TRAF3IP2: variants seen among roughly 807,000 people sequenced by gnomAD.
TRAF3IP2 encodes the protein TRAF3 interacting protein 2.
In TRAF3IP2, 35 loss-of-function variants were observed where a neutral mutation model predicts 57.9. The ratio of observed to expected loss-of-function variants is 0.60; its 90% CI spans 0.46 to 0.80. The LOEUF is 0.80. Among genes scored for constraint, TRAF3IP2 ranks in the 30% least tolerant of loss-of-function variants. The pLI is 0.00. For missense variants in TRAF3IP2, 556 were observed against 706.4 expected, an observed-to-expected ratio of 0.79 and a Z score of 2.41; for synonymous variants, 251 against 268.9, an observed-to-expected ratio of 0.93 and a Z score of 0.65.
chr6:111,566,488 C>G lies in TRAF3IP2; in HGVS notation c.1432G>C (p.Asp478His). 1 of 1,614,184 alleles carries G rather than the reference C, an allele frequency of 6.2e-7. No individual in the cohort carries two copies. The highest frequency in any genetic ancestry group is 8.5e-7 in the Non-Finnish European group (1 of 1,180,020). The change falls in exon 7 of 9, where the codon GAC becomes CAC. Residue 478 changes from aspartate to histidine, a missense_variant. This residue lies in a region of TRAF3IP2 where 128 missense variants were observed against 207.7 expected (regional missense o/e 0.62). Coordinates refer to ENST00000368761, the MANE Select transcript of TRAF3IP2 (RefSeq NM_147686.4). The part of the protein sequence containing the change: ...QDVEGAESQL[D>H]EDEHGLHTKY... ...GTATGTAAGCCATGCTCATCCTCGT[C>G]CAGCTGCGACTCAGCGCCTTCCACG...
intron 1 of TRAF3IP2, chr6:111,600,156 A>G (rs1796820843): frequency 6.6e-6 from 1 of 152,228 alleles, no homozygotes; most frequent in Non-Finnish European, 1.5e-5. Context: ...GCTCTTAAAA[A>G]GCAATGGCCA....
At chr6:111,575,933 C>G in intron 3 of TRAF3IP2, 112 bp from the exon 4 acceptor site, 1 of 988,708 alleles carries the variant, frequency 1.0e-6, no homozygotes, top group Non-Finnish European at 1.5e-6. Context: ...CTCTCCTCTG[C>G]CTCTATTTCT....
At chr6:111,575,968 A>C (rs930503059) in intron 3 of TRAF3IP2, 147 bp from the exon 4 acceptor site, 3 of 772,926 alleles carry the variant, frequency 3.9e-6, no homozygotes, top group African/African-American at 3.6e-5. Flanking sequence ...GGAAGAGGGG[A>C]GCTCCATGGA....
chr6:111,595,708 A>G (rs1294420733), intron 1 of TRAF3IP2, among the ~76,000 whole-genome samples: 3 of 151,938 alleles, frequency 2.0e-5, no homozygotes, highest in African/African-American at 4.8e-5. Flanking sequence ...GGCACCTGTA[A>G]TCCCAGCTAC....
At chr6:111,594,053 C>T (rs1035032896) in intron 1 of TRAF3IP2, among the ~76,000 whole-genome samples, 1 of 147,478 alleles carries the variant, frequency 6.8e-6, no homozygotes, top group African/African-American at 2.5e-5. Context: ...ATCGCTTGAA[C>T]CTGGGAGGTG....
In TRAF3IP2 at chr6:111,575,699, G is replaced by A. The variant is rs149449506; in HGVS notation, c.1145C>T (p.Pro382Leu). ...PPSPAAVPRP[P>L]SNPPARGTLK... Reference sequence around the variant, plus strand: ...AGTTCCTCTGGCTGGAGGGTTGCTAGGGGGTCTAGGCACAGCAGCTGGGGA... The same window carrying A: ...AGTTCCTCTGGCTGGAGGGTTGCTAAGGGGTCTAGGCACAGCAGCTGGGGA... The change falls in exon 4 of 9, where the codon CCT (proline) becomes CTT (leucine). Residue 382 changes from proline to leucine, a missense_variant. Physicochemically the swap from Pro to Leu is moderately conservative, Grantham distance 98. Around this residue, in one of 2 missense-constraint regions of TRAF3IP2, gnomAD observed 428 missense variants for 498.7 expected, o/e 0.86. Transcript: ENST00000368761. The A allele has an allele frequency of 1.2e-5, 19 of 1,613,514 alleles. No homozygotes were observed. The highest frequency in any genetic ancestry group is 1.5e-5 in the Non-Finnish European group (18 of 1,179,834).
Position 111,575,668 on chromosome 6 carries a change from TTTTA to T in TRAF3IP2, c.1172_1175del (p.Leu391GlnfsTer25). Reference sequence around the variant, plus strand: ...GCAATTCTTCTGGCAAATTGCTTGTTTTTAGAGTTCCTCTGGCTGGAGGGTTGCT... The same window carrying T: ...GCAATTCTTCTGGCAAATTGCTTGTTGAGTTCCTCTGGCTGGAGGGTTGCT... On this transcript the variant is annotated frameshift_variant, in exon 4 of 9. Transcript: ENST00000368761. LOFTEE classifies it high-confidence loss of function. 1 of 1,612,674 alleles carries T rather than the reference TTTTA, an allele frequency of 6.2e-7. No individual in the cohort carries two copies. The highest frequency in any genetic ancestry group is 8.5e-7 in the Non-Finnish European group (1 of 1,179,790).
intron 1 of TRAF3IP2, chr6:111,601,914 A>C (rs1186605966): frequency 6.6e-6 from 1 of 152,214 alleles, no homozygotes; most frequent in East Asian, 1.9e-4. Context: ...AATGCATGCA[A>C]ACTTTCATAA....
In TRAF3IP2 at chr6:111,591,167, TG is replaced by T; in HGVS notation, c.829+90del. On this transcript the variant is annotated intron_variant, in intron 2 of 8. Transcript: ENST00000368761. This position sits in a 1 kb window ranked among gnomAD's most constrained non-coding sequence, Gnocchi z 4.9. Reference sequence around the variant, plus strand: ...CCCTCCCTGCATTCTGACCTGTTCATGCCAGCCTAGTGACACGAAGCATTGA... The same window carrying T: ...CCCTCCCTGCATTCTGACCTGTTCATCCAGCCTAGTGACACGAAGCATTGA... The T allele has an allele frequency of 9.2e-7, 1 of 1,084,588 alleles. No homozygotes were observed. The highest frequency in any genetic ancestry group is 2.6e-5 in the Admixed American group (1 of 38,454). 67.2% of individuals were successfully genotyped at this position (1,084,588 alleles called of 1,614,324 possible).
At chr6:111,559,851 A>G (rs558028256) in intron 8 of TRAF3IP2, among the ~76,000 whole-genome samples, 1 of 152,360 alleles carries the variant, frequency 6.6e-6, no homozygotes, top group African/African-American at 2.4e-5. Flanking sequence ...TAAAAGGGGT[A>G]GGACAGAGGT....
rs150130456 is a variant in TRAF3IP2 at position 111,571,621 on chromosome 6, T to C, written c.1290+1274A>G. On this transcript the variant is annotated intron_variant, in intron 5 of 8. Coordinates refer to ENST00000368761, the MANE Select transcript of TRAF3IP2 (RefSeq NM_147686.4). ...GCATTTTTTAAAAAAGAACTTTCATTTTCATTTTTTAGAAAATTGTCTTGG... is the reference window on the plus strand; with the variant it reads ...GCATTTTTTAAAAAAGAACTTTCATCTTCATTTTTTAGAAAATTGTCTTGG... 7.8e-3 allele frequency among the ~76,000 whole-genome samples: 1,188 copies of C among 152,320 alleles called. 6 individuals carry two copies. Among genetic ancestry groups the C allele is most frequent in the South Asian group, 0.022 (108 of 4,828 alleles).
At chr6:111,594,624 C>T in intron 1 of TRAF3IP2, 1 of 379,276 alleles carries the variant, frequency 2.6e-6, no homozygotes, top group Non-Finnish European at 5.3e-6. Flanking sequence ...TCAGTTAAAA[C>T]TGCTCTGGGG....
At chr6:111,587,293 T>C (rs1400750295) in intron 2 of TRAF3IP2, among the ~76,000 whole-genome samples, 1 of 152,192 alleles carries the variant, frequency 6.6e-6, no homozygotes, top group Admixed American at 6.5e-5. Flanking sequence ...TCTCATTCTG[T>C]TGACCAGGCT....
In TRAF3IP2 at chr6:111,591,857, G is replaced by T. The variant is rs1270108400; in HGVS notation, c.230C>A (p.Ser77Tyr). Residue 77 changes from serine to tyrosine, a missense_variant, in exon 2 of 9, where the codon TCC (serine) becomes TAC (tyrosine). Transcript: ENST00000368761. This position sits in a 1 kb window ranked among gnomAD's most constrained non-coding sequence, Gnocchi z 4.9. Reference sequence around the variant, plus strand: ...AGTGCGCAGGCAGGTGACCTGCCGGGATACAGGCCGCTGGTGATTTGCAAG... The same window carrying T: ...AGTGCGCAGGCAGGTGACCTGCCGGTATACAGGCCGCTGGTGATTTGCAAG... ...LKLANHQRPV[S>Y]RQVTCLRTQV... is the part of the protein sequence containing the mutation. The T allele has an allele frequency of 6.2e-7, 1 of 1,614,238 alleles. No homozygotes were observed. The highest frequency in any genetic ancestry group is 8.5e-7 in the Non-Finnish European group (1 of 1,180,046).
chr6:111,605,330 T>C (rs1034422981), intron 1 of TRAF3IP2, among the ~76,000 whole-genome samples: 2 of 152,224 alleles, frequency 1.3e-5, no homozygotes, highest in Admixed American at 6.5e-5. Flanking sequence ...TTTTCCCCCC[T>C]GCACGAAACA....
At chr6:111,601,191 T>G (rs1796852059) in intron 1 of TRAF3IP2, 1 of 778,816 alleles carries the variant, frequency 1.3e-6, no homozygotes, top group Non-Finnish European at 2.4e-6. Context: ...TTCAGAGCCA[T>G]TCACCTTGAA....
At position 111,580,097 on chromosome 6, in the gene TRAF3IP2, G is replaced by C. The variant is rs911239636; in HGVS notation, c.1022+100C>G. On this transcript the variant is annotated intron_variant, in intron 3 of 8. Coordinates refer to ENST00000368761, the MANE Select transcript of TRAF3IP2 (RefSeq NM_147686.4). ...CACTATGTGACTTGCTCACTAACGTGGGTTAGCAAACCTATAGAGAATTCT... is the reference window on the plus strand; with the variant it reads ...CACTATGTGACTTGCTCACTAACGTCGGTTAGCAAACCTATAGAGAATTCT... 3 of 1,386,676 alleles carry C rather than the reference G, an allele frequency of 2.2e-6. No homozygotes were observed. In the African/African-American group the frequency reaches 4.3e-5, roughly 20 times the overall value. The allele number at this position is 1,386,676 out of a possible 1,614,324, so 85.9% of individuals were successfully genotyped here. A position where few individuals can be genotyped will look rare whatever the true frequency, so the allele number is the denominator to read the frequency against.
intron 2 of TRAF3IP2, among the ~76,000 whole-genome samples, chr6:111,582,387 G>C (rs978673509): frequency 6.6e-6 from 1 of 151,774 alleles, no homozygotes; most frequent in African/African-American, 2.4e-5. Flanking sequence ...GGTTTAAAGA[G>C]GGGGAGGAGG....
intron 1 of TRAF3IP2, among the ~76,000 whole-genome samples, chr6:111,597,681 G>T (rs1796733535): frequency 6.6e-6 from 1 of 152,178 alleles, no homozygotes; most frequent in African/African-American, 2.4e-5. Flanking sequence ...TCAGCAGAGG[G>T]TGAGAGCATG....
Sources: gnomAD v4.1 joint callset for allele counts (sites outside exome capture counted in the v4.1 genomes callset) on GRCh38, gnomAD v4.1.1 for gene constraint, gnomAD v4.1.1 regional missense constraint, Gnocchi (gnomAD v3.1) non-coding constraint, MANE v1.5 for transcripts, NCBI Gene and HGNC (gene_info 2026-07-23, HGNC 2026-07-21) for gene names.